Variants in PPP1R12B observed in about 807,000 individuals in gnomAD.
PPP1R12B encodes myosin phosphatase target subunit 2.
In PPP1R12B, 76 loss-of-function variants were observed where a neutral mutation model predicts 126.1. The observed-to-expected ratio is 0.60, with a 90% CI of 0.50 to 0.73. The LOEUF (loss-of-function observed/expected upper bound fraction) is 0.73. Among genes scored for constraint, PPP1R12B ranks in the 30% least tolerant of loss-of-function variants. PPP1R12B has a pLI of 0.00. For synonymous variants in PPP1R12B, 356 were observed against 434.7 expected, an observed-to-expected ratio of 0.82 and a Z score of 2.25; for missense variants, 1,052 against 1,205.1, an observed-to-expected ratio of 0.87 and a Z score of 1.88.
Position 202,386,223 on chromosome 1 carries a change from C to T in PPP1R12B, c.292-30564C>T, listed in dbSNP as rs559078305. 3.3e-5 allele frequency among the ~76,000 whole-genome samples: 5 copies of T among 151,826 alleles called. No individual in the cohort carries two copies. The East Asian group carries it at 9.7e-4, about 30-fold the overall frequency. On this transcript the variant is annotated intron_variant, in intron 1 of 23. Coordinates refer to ENST00000608999, the MANE Select transcript of PPP1R12B (RefSeq NM_002481.4). ...GATTACAGGCGTGAGCCACCGCACC[C>T]AGCCACTCAAGAGCTATTTTTCTAT...
At chr1:202,404,126 C>T (rs1666240011) in intron 1 of PPP1R12B, among the ~76,000 whole-genome samples, 1 of 152,130 alleles carries the variant, frequency 6.6e-6, no homozygotes, top group Non-Finnish European at 1.5e-5. Flanking sequence ...GGTTTAAAAA[C>T]CTCAATACCT....
intron 22 of PPP1R12B, among the ~76,000 whole-genome samples, chr1:202,568,478 C>T (rs1410311989): frequency 1.3e-5 from 2 of 152,142 alleles, no homozygotes; most frequent in East Asian, 3.9e-4. Context: ...TCCCATCTGT[C>T]CTGTTGTTGT....
chr1:202,371,858 CTTTTTTTTTTT>C (rs1193939057), intron 1 of PPP1R12B, among the ~76,000 whole-genome samples: 1 of 75,342 alleles, frequency 1.3e-5, no homozygotes, highest in Non-Finnish European at 2.5e-5. Context: ...ATTATAGTTT[CTTTTTTTTTTT>C]TTTTTTTTTT....
chr1:202,439,326 C>G (rs558028660), intron 10 of PPP1R12B: 7 of 1,419,100 alleles, frequency 4.9e-6, no homozygotes, highest in Admixed American at 1.7e-5. Context: ...GAGGGCAGCC[C>G]TGAAGCTGGA....
Position 202,562,517 on chromosome 1 carries a change from C to T in PPP1R12B, c.2508-261C>T, listed in dbSNP as rs559085288. On this transcript the variant is annotated intron_variant, in intron 19 of 23. Transcript: ENST00000608999. Reference sequence around the variant, plus strand: ...GAAAAGCTCTTAAGATTTAAGTCAGCTCATAGGTCCAAACCACTAATTTTT... The same window carrying T: ...GAAAAGCTCTTAAGATTTAAGTCAGTTCATAGGTCCAAACCACTAATTTTT... 8 of 559,040 alleles carry T rather than the reference C, an allele frequency of 1.4e-5. No homozygotes were observed. The Admixed American group carries it at 1.7e-4, about 12-fold the overall frequency. 34.6% of individuals were successfully genotyped at this position (559,040 alleles called of 1,614,324 possible).
At chr1:202,524,115 A>C (rs988690094) in intron 18 of PPP1R12B, among the ~76,000 whole-genome samples, 21 of 152,218 alleles carry the variant, frequency 1.4e-4, no homozygotes, top group Admixed American at 7.2e-4. Context: ...CCAGGCAAGA[A>C]ATGATGACAG....
At chr1:202,497,521 G>GA (rs1281480506) in intron 18 of PPP1R12B, among the ~76,000 whole-genome samples, 1 of 152,130 alleles carries the variant, frequency 6.6e-6, no homozygotes, top group East Asian at 1.9e-4. Flanking sequence ...CAACTTATTG[G>GA]AAGTATGTTT....
At chr1:202,531,157 T>A (rs1172830397) in intron 18 of PPP1R12B, among the ~76,000 whole-genome samples, 1 of 152,234 alleles carries the variant, frequency 6.6e-6, no homozygotes, top group Admixed American at 6.5e-5. Context: ...CTGTTTCCTT[T>A]AGAACTTATT....
intron 23 of PPP1R12B, 143 bp downstream of exon 23, chr1:202,569,340 A>G: frequency 2.4e-6 from 2 of 836,392 alleles, no homozygotes; most frequent in Non-Finnish European, 3.7e-6. Flanking sequence ...AAAAGTGAGC[A>G]TCTCTCCTCA....
Position 202,451,600 on chromosome 1 carries a change from T to C in PPP1R12B, c.1850+2429T>C, listed in dbSNP as rs531043510. Among the ~76,000 whole-genome samples, 6 of 152,082 alleles carry C rather than the reference T, an allele frequency of 3.9e-5. No individual in the cohort carries two copies. The East Asian group carries it at 1.2e-3, about 29-fold the overall frequency. ...TACACAGACACGGCAACCATCCGAT[T>C]TCTCAATCTTTTCCCCACCTTTCCC... On this transcript the variant is annotated intron_variant, in intron 13 of 23. Transcript: ENST00000608999.
rs56149958 is a variant in PPP1R12B, at chr1:202,563,626, T to TAA, written c.2652+721_2652+722dup. On this transcript the variant is annotated intron_variant, in intron 20 of 23. Transcript: ENST00000608999. ...TCAACTAAATACTACTTGGTGTTAGTAAAAAAAAAAAAAAAAAAGAAAAGA... is the reference window on the plus strand; with the variant it reads ...TCAACTAAATACTACTTGGTGTTAGTAAAAAAAAAAAAAAAAAAAAGAAAAGA... Among the ~76,000 whole-genome samples, 308 of 120,338 alleles carry TAA rather than the reference T, an allele frequency of 2.6e-3. 1 individual carries two copies. The highest frequency in any genetic ancestry group is 6.9e-3 in the African/African-American group (237 of 34,336). 78.9% of individuals were successfully genotyped at this position (120,338 alleles called of 152,430 possible).
At chr1:202,476,295 C>T (rs779019539) in intron 13 of PPP1R12B, among the ~76,000 whole-genome samples, 2 of 151,230 alleles carry the variant, frequency 1.3e-5, no homozygotes, top group Non-Finnish European at 2.9e-5. Flanking sequence ...ACAGCATCCT[C>T]AGTGGTCAGT....
intron 18 of PPP1R12B, among the ~76,000 whole-genome samples, chr1:202,550,096 T>A (rs1686156069): frequency 6.6e-6 from 1 of 152,194 alleles, no homozygotes; most frequent in Admixed American, 6.5e-5. Flanking sequence ...TTTGTTTTTG[T>A]GGGAATCAAA....
At chr1:202,474,314 T>C (rs1676347433) in intron 13 of PPP1R12B, among the ~76,000 whole-genome samples, 1 of 150,780 alleles carries the variant, frequency 6.6e-6, no homozygotes, top group Non-Finnish European at 1.5e-5. Flanking sequence ...TGAGACAGAG[T>C]CCCACTCTTG....
rs1314207394 is a variant in PPP1R12B, at chr1:202,582,539, A to G, written c.*1979A>G. The G allele has an allele frequency of 6.6e-6, 1 of 152,578 alleles. No individual in the cohort carries two copies. 9.5% of individuals were successfully genotyped at this position (152,578 alleles called of 1,614,324 possible). A position where few individuals can be genotyped will look rare whatever the true frequency, so the allele number is the denominator to read the frequency against. ...TTCCTAACATGACATGTAGCTCTCC[A>G]TGGTCCTCCCTCTGAAACACCACAT... On this transcript the variant is annotated 3_prime_UTR_variant, in exon 24 of 24. Coordinates refer to ENST00000608999, the MANE Select transcript of PPP1R12B (RefSeq NM_002481.4).
intron 13 of PPP1R12B, among the ~76,000 whole-genome samples, chr1:202,457,208 G>A (rs201507646): frequency 6.6e-6 from 1 of 152,146 alleles, no homozygotes; most frequent in African/African-American, 2.4e-5. Flanking sequence ...TTTATTGAGA[G>A]ACTGCCATGT....
intron 1 of PPP1R12B, among the ~76,000 whole-genome samples, chr1:202,375,196 G>A (rs966940567): frequency 1.3e-5 from 2 of 149,548 alleles, no homozygotes; most frequent in African/African-American, 2.5e-5. Flanking sequence ...TGCCTGCCTC[G>A]GCCTCCCAAA....
intron 13 of PPP1R12B, among the ~76,000 whole-genome samples, chr1:202,459,393 C>T (rs1056976374): frequency 1.3e-5 from 2 of 152,018 alleles, no homozygotes; most frequent in African/African-American, 2.4e-5. Context: ...AGGCTGTGAT[C>T]GTTGAAGAGT....
At chr1:202,375,596 A>G (rs970811432) in intron 1 of PPP1R12B, among the ~76,000 whole-genome samples, 1 of 152,120 alleles carries the variant, frequency 6.6e-6, no homozygotes, top group African/African-American at 2.4e-5. Context: ...TTTTTAAGAG[A>G]TAGGGTTCTC....
Sources: gnomAD v4.1 joint callset for allele counts (sites outside exome capture counted in the v4.1 genomes callset) on GRCh38, gnomAD v4.1.1 for gene constraint, MANE v1.5 for transcripts, NCBI Gene and HGNC (gene_info 2026-07-23, HGNC 2026-07-21) for gene names.